The following SYN3 variants were observed in gnomAD, a reference collection of about 807,000 sequenced individuals.
SYN3 encodes synapsin III.
A neutral mutation model predicts 65.8 loss-of-function variants in SYN3; 35 were observed. That is an observed-to-expected ratio of 0.53 (90% CI 0.41 to 0.70). SYN3 has a LOEUF of 0.70. SYN3 is among the 30% of genes least tolerant of loss of function. The pLI, the probability that SYN3 is intolerant of heterozygous loss-of-function variation, is 0.00. For missense variants in SYN3, 680 were observed against 749.0 expected (o/e 0.91, Z 1.08); for synonymous variants, 270 against 292.9 (o/e 0.92, Z 0.80).
intron 6 of SYN3, among the ~76,000 whole-genome samples, chr22:32,844,071 T>C (rs1196163160): frequency 2.6e-5 from 4 of 152,136 alleles, no homozygotes; most frequent in African/African-American, 4.8e-5. Context: ...TATACATTAA[T>C]TAGTTAAGGA....
chr22:32,608,249 T>C (rs920878456), intron 6 of SYN3, among the ~76,000 whole-genome samples: 2 of 152,162 alleles, frequency 1.3e-5, no homozygotes, highest in African/African-American at 4.8e-5. Context: ...TTTGTATTTT[T>C]AGTAGAGGTG....
chr22:32,761,998 C>T (rs2045494366), intron 6 of SYN3, among the ~76,000 whole-genome samples: 2 of 152,210 alleles, frequency 1.3e-5, no homozygotes, highest in Admixed American at 1.3e-4. Context: ...GCCCTGAGTG[C>T]CACCTGTCCT....
intron 4 of SYN3, among the ~76,000 whole-genome samples, chr22:32,902,106 G>C (rs1292271872): frequency 6.6e-6 from 1 of 152,254 alleles, no homozygotes; most frequent in Non-Finnish European, 1.5e-5. Flanking sequence ...ACCATGGAAA[G>C]GAAGTGGAGG....
chr22:32,863,431 G>A (rs1229589664), intron 6 of SYN3, among the ~76,000 whole-genome samples: 1 of 152,202 alleles, frequency 6.6e-6, no homozygotes, highest in Non-Finnish European at 1.5e-5. Context: ...AGCAGTCCTT[G>A]ATGTCAACTG....
intron 6 of SYN3, among the ~76,000 whole-genome samples, chr22:32,745,858 C>T (rs533907530): frequency 2.0e-5 from 3 of 152,252 alleles, no homozygotes; most frequent in African/African-American, 7.2e-5. Context: ...GAGGCAGGAT[C>T]AAAAGGCAGG....
chr22:32,931,203 G>C (rs2050618543), intron 4 of SYN3, 187 bp downstream of exon 4: 1 of 534,994 alleles, frequency 1.9e-6, no homozygotes, highest in African/African-American at 1.9e-5. Flanking sequence ...GGACACCACA[G>C]GTGCTGCACG....
chr22:33,020,772 AG>A (rs139612960), intron 1 of SYN3, among the ~76,000 whole-genome samples: 1,776 of 152,316 alleles, frequency 0.012, 43 homozygotes, highest in African/African-American at 0.041. Context: ...TGCTGGACAC[AG>A]GTAGACAGAG....
At chr22:32,914,286 G>A (rs1332190113) in intron 4 of SYN3, among the ~76,000 whole-genome samples, 1 of 152,218 alleles carries the variant, frequency 6.6e-6, no homozygotes, top group African/African-American at 2.4e-5. Context: ...GCATGGTGTA[G>A]AAGTTAAGAG....
intron 1 of SYN3, among the ~76,000 whole-genome samples, chr22:33,025,634 G>GAA (rs34210309): frequency 7.0e-6 from 1 of 142,738 alleles, no homozygotes; most frequent in East Asian, 2.2e-4. Flanking sequence ...ACTCCGTCTG[G>GAA]AAAAAAAAAA....
intron 6 of SYN3, among the ~76,000 whole-genome samples, chr22:32,667,156 TTCC>T (rs2060300236): frequency 6.6e-6 from 1 of 151,906 alleles, no homozygotes; most frequent in Admixed American, 6.6e-5. Flanking sequence ...CCTTCCTCCC[TTCC>T]TTCCTTCCTT....
rs572309558 is a variant in SYN3, at chr22:32,639,245, G to A, written c.712-42509C>T. Among the ~76,000 whole-genome samples, 10 of 152,236 alleles carry A rather than the reference G, an allele frequency of 6.6e-5. No homozygotes were observed. In the South Asian group the frequency reaches 8.3e-4, roughly 13 times the overall value. On this transcript the variant is annotated intron_variant, in intron 6 of 13. Coordinates refer to ENST00000358763, the MANE Select transcript of SYN3 (RefSeq NM_003490.4). ...TGGGATTACAGGCATGAGCCACCACGCCTGGCCCATTTTGGTTAATTTTTT... is the reference window on the plus strand; with the variant it reads ...TGGGATTACAGGCATGAGCCACCACACCTGGCCCATTTTGGTTAATTTTTT...
At chr22:33,011,466 T>G (rs1400012145) in intron 1 of SYN3, among the ~76,000 whole-genome samples, 1 of 152,216 alleles carries the variant, frequency 6.6e-6, no homozygotes, top group Non-Finnish European at 1.5e-5. Context: ...TATTGGTGGA[T>G]TCAATCTGAT....
intron 6 of SYN3, among the ~76,000 whole-genome samples, chr22:32,708,547 G>T (rs993732343): frequency 6.6e-6 from 1 of 152,310 alleles, no homozygotes; most frequent in African/African-American, 2.4e-5. Context: ...AGGCTTAGAT[G>T]GTCTCCAGAA....
At chr22:33,022,508 T>C (rs1221790596) in intron 1 of SYN3, among the ~76,000 whole-genome samples, 2 of 152,204 alleles carry the variant, frequency 1.3e-5, no homozygotes, top group African/African-American at 2.4e-5. Flanking sequence ...CAGGAAAACA[T>C]GCACTGTCTT....
intron 6 of SYN3, among the ~76,000 whole-genome samples, chr22:32,847,079 C>T (rs573137660): frequency 6.6e-6 from 1 of 152,298 alleles, no homozygotes; most frequent in Non-Finnish European, 1.5e-5. Context: ...CTTGCCCCTC[C>T]CACACCCCCC....
At chr22:32,754,109 T>G (rs1301455392) in intron 6 of SYN3, among the ~76,000 whole-genome samples, 2 of 152,234 alleles carry the variant, frequency 1.3e-5, no homozygotes, top group Non-Finnish European at 2.9e-5. Context: ...TGGAATGTGC[T>G]CCTCATCTCT....
chr22:32,734,249 C>T (rs757235033), intron 6 of SYN3, among the ~76,000 whole-genome samples: 25 of 152,182 alleles, frequency 1.6e-4, no homozygotes, highest in African/African-American at 3.9e-4. Context: ...AGTGGATACA[C>T]GCATGCAGGA....
chr22:32,556,938 T>G (rs890428467), intron 7 of SYN3, among the ~76,000 whole-genome samples: 2 of 150,284 alleles, frequency 1.3e-5, no homozygotes, highest in Non-Finnish European at 2.9e-5. Flanking sequence ...GGATTACAGG[T>G]GTGAGTCACT....
chr22:32,817,103 A>T (rs978471545), intron 6 of SYN3, among the ~76,000 whole-genome samples: 5 of 151,532 alleles, frequency 3.3e-5, no homozygotes, highest in Non-Finnish European at 5.9e-5. Flanking sequence ...CTGTAGTCCC[A>T]GTTACTCTTG....
Sources: allele counts gnomAD v4.1 joint callset (sites outside exome capture counted in the v4.1 genomes callset), GRCh38; gene constraint gnomAD v4.1.1; transcripts MANE v1.5; gene names NCBI Gene and HGNC (gene_info 2026-07-23, HGNC 2026-07-21).